The following TERB1 variants were observed in gnomAD, a reference collection of about 807,000 sequenced individuals.
TERB1 encodes telomere repeats-binding bouquet formation protein 1.
TERB1 carries 63 observed loss-of-function variants against 92.3 expected under a neutral mutation model. That is an observed-to-expected ratio of 0.68 (90% CI 0.56 to 0.84). The LOEUF (loss-of-function observed/expected upper bound fraction) is 0.84. Among genes scored for constraint, TERB1 ranks in the 40% least tolerant of loss-of-function variants. TERB1 has a pLI of 0.00. For synonymous variants in TERB1, 252 were observed against 283.9 expected (o/e 0.89, Z 1.13); for missense variants, 709 against 843.7 (o/e 0.84, Z 1.98).
intron 11 of TERB1, among the ~76,000 whole-genome samples, chr16:66,776,883 T>G (rs896326612): frequency 1.8e-4 from 27 of 151,948 alleles, no homozygotes; most frequent in African/African-American, 6.3e-4. Flanking sequence ...GCTTTCTCCC[T>G]GTGCTGCAGT....
At chr16:66,774,769 G>A (rs759546103) in intron 12 of TERB1, among the ~76,000 whole-genome samples, 20 of 150,014 alleles carry the variant, frequency 1.3e-4, no homozygotes, top group Non-Finnish European at 2.5e-4. Context: ...CTGCAGCCTC[G>A]ACCTGAGCAA....
intron 10 of TERB1, among the ~76,000 whole-genome samples, chr16:66,778,271 T>C (rs2018581907): frequency 6.6e-6 from 1 of 152,186 alleles, no homozygotes; most frequent in African/African-American, 2.4e-5. Context: ...TTTTAAATTT[T>C]TTTTTTTTTG....
chr16:66,792,548 A>C (rs1235211304), intron 3 of TERB1, among the ~76,000 whole-genome samples: 4 of 152,260 alleles, frequency 2.6e-5, no homozygotes, highest in Non-Finnish European at 5.9e-5. Flanking sequence ...TACTAGAATC[A>C]GTGAACTAAG....
intron 3 of TERB1, among the ~76,000 whole-genome samples, chr16:66,794,865 C>T (rs1012299132): frequency 2.6e-5 from 4 of 151,002 alleles, no homozygotes; most frequent in Admixed American, 6.6e-5. Flanking sequence ...AGCCAAGATC[C>T]GGCCACTGCA....
At chr16:66,758,690 G>C in intron 18 of TERB1, 83 bp downstream of exon 18, 1 of 793,310 alleles carries the variant, frequency 1.3e-6, no homozygotes, top group African/African-American at 1.8e-5. Context: ...GCAGTGAGCC[G>C]AGATTGCTCC....
Position 66,785,768 on chromosome 16 carries a change from A to G in TERB1, c.700+18T>C. On this transcript the variant is annotated intron_variant, in intron 9 of 18. Transcript: ENST00000433154. ...ATATGTTTCTTCAACTATGACCTAGAAAATAACGAACACTTACTGTTATTT... is the reference window on the plus strand; with the variant it reads ...ATATGTTTCTTCAACTATGACCTAGGAAATAACGAACACTTACTGTTATTT... The G allele has an allele frequency of 6.6e-7, 1 of 1,505,886 alleles. No individual in the cohort carries two copies. The highest frequency in any genetic ancestry group is 1.4e-5 in the African/African-American group (1 of 71,520). 93.3% of individuals were successfully genotyped at this position (1,505,886 alleles called of 1,614,324 possible). A position where few individuals can be genotyped will look rare whatever the true frequency, so the allele number is the denominator to read the frequency against.
At chr16:66,794,905 G>A (rs1292887963) in intron 3 of TERB1, among the ~76,000 whole-genome samples, 5 of 86,062 alleles carry the variant, frequency 5.8e-5, no homozygotes, top group South Asian at 7.9e-4. Flanking sequence ...GTGAGACTCC[G>A]TCTCAAAAAA....
intron 5 of TERB1, among the ~76,000 whole-genome samples, chr16:66,788,599 A>T (rs1464347777): frequency 6.6e-6 from 1 of 152,092 alleles, no homozygotes; most frequent in Non-Finnish European, 1.5e-5. Context: ...AGCAAAAAAA[A>T]AAAACACTTT....
intron 12 of TERB1, among the ~76,000 whole-genome samples, chr16:66,774,421 G>A (rs559615960): frequency 2.0e-5 from 3 of 151,628 alleles, no homozygotes; most frequent in Non-Finnish European, 2.9e-5. Context: ...TCCTGACCTC[G>A]TGATCCGCCT....
chr16:66,794,684 G>C (rs2018896283), intron 3 of TERB1, among the ~76,000 whole-genome samples: 1 of 152,126 alleles, frequency 6.6e-6, no homozygotes, highest in African/African-American at 2.4e-5. Context: ...GCCGAGGTGG[G>C]TGGATCACAA....
At chr16:66,801,122 C>T (rs1959272186) in intron 1 of TERB1, 69 bp from the exon 2 acceptor site, 1 of 152,564 alleles carries the variant, frequency 6.6e-6, no homozygotes, top group South Asian at 2.1e-4. Flanking sequence ...TCAGCAGGCC[C>T]TCCCCGCTCA....
chr16:66,771,179 A>G (rs962043682), intron 13 of TERB1, among the ~76,000 whole-genome samples: 1 of 152,250 alleles, frequency 6.6e-6, no homozygotes, highest in African/African-American at 2.4e-5. Context: ...GTTTATAGGA[A>G]AGGAAATATT....
chr16:66,765,605 A>G (rs986304186), intron 16 of TERB1, among the ~76,000 whole-genome samples: 1 of 151,060 alleles, frequency 6.6e-6, no homozygotes, highest in African/African-American at 2.4e-5. Context: ...TTACTGGCTC[A>G]TGCTGCCATG....
intron 11 of TERB1, among the ~76,000 whole-genome samples, chr16:66,776,283 T>A (rs1318524609): frequency 8.8e-5 from 13 of 147,558 alleles, no homozygotes; most frequent in South Asian, 2.1e-4. Flanking sequence ...GAGCCAAGAT[T>A]GCACCGCTGC....
chr16:66,772,986 T>C (rs1384998483), intron 12 of TERB1, among the ~76,000 whole-genome samples: 1 of 152,158 alleles, frequency 6.6e-6, no homozygotes, highest in Non-Finnish European at 1.5e-5. Context: ...AAATATGTTA[T>C]GCCAGACACA....
chr16:66,762,122 A>G (rs969724380), intron 16 of TERB1, among the ~76,000 whole-genome samples: 6 of 152,238 alleles, frequency 3.9e-5, no homozygotes, highest in Non-Finnish European at 8.8e-5. Flanking sequence ...AAGATATCCA[A>G]AAGAAGTGAT....
chr16:66,786,369 T>C, intron 6 of TERB1, 84 bp from the exon 7 acceptor site: 8 of 979,828 alleles, frequency 8.2e-6, no homozygotes, highest in Admixed American at 2.7e-5. Context: ...TTTATTTTAA[T>C]AAATAACTTT....
chr16:66,768,189 G>T, intron 14 of TERB1, 21 bp from the exon 15 acceptor site: 1 of 1,503,162 alleles, frequency 6.7e-7, no homozygotes, highest in Non-Finnish European at 9.1e-7. Context: ...ATAGACACCA[G>T]ATTACTAAAA....
At chr16:66,783,091 T>G (rs2018665375) in intron 9 of TERB1, among the ~76,000 whole-genome samples, 1 of 152,200 alleles carries the variant, frequency 6.6e-6, no homozygotes, top group Non-Finnish European at 1.5e-5. Flanking sequence ...TAGATTCAAG[T>G]GGTCCTCCTG....
Sources: gnomAD v4.1 joint callset for allele counts (sites outside exome capture counted in the v4.1 genomes callset) on GRCh38, gnomAD v4.1.1 for gene constraint, MANE v1.5 for transcripts, NCBI Gene and HGNC (gene_info 2026-07-23, HGNC 2026-07-21) for gene names.